SYCP2: variants seen among roughly 807,000 people sequenced by gnomAD.
SYCP2 encodes the protein synaptonemal complex protein 2, also known as synaptonemal complex lateral element protein.
Under a neutral mutation model 211.3 loss-of-function variants are expected in SYCP2, and 55 were observed. The ratio of observed to expected loss-of-function variants is 0.26; its 90% CI spans 0.21 to 0.33. The LOEUF is 0.33. SYCP2 is among the 10% of genes least tolerant of loss of function. The pLI is 1.00. For synonymous variants in SYCP2, 570 were observed against 555.2 expected, an observed-to-expected ratio of 1.03 and a Z score of -0.37; for missense variants, 1,731 against 1,752.0, an observed-to-expected ratio of 0.99 and a Z score of 0.21.
chr20:59,891,513 C>T (rs1399383820), intron 24 of SYCP2, among the ~76,000 whole-genome samples: 1 of 151,764 alleles, frequency 6.6e-6, no homozygotes, highest in Non-Finnish European at 1.5e-5. Context: ...TACTTTCTTG[C>T]AAAACCTTGT....
At chr20:59,929,996 G>A (rs1308204489) in intron 2 of SYCP2, among the ~76,000 whole-genome samples, 1 of 152,108 alleles carries the variant, frequency 6.6e-6, no homozygotes, top group Non-Finnish European at 1.5e-5. Flanking sequence ...CATTAGGACA[G>A]AGCAAAAGGG....
At chr20:59,885,360 C>A (rs1411885147) in intron 26 of SYCP2, among the ~76,000 whole-genome samples, 1 of 152,010 alleles carries the variant, frequency 6.6e-6, no homozygotes, top group Non-Finnish European at 1.5e-5. Context: ...ATTGTTAACA[C>A]ATAAAACCTA....
intron 2 of SYCP2, among the ~76,000 whole-genome samples, chr20:59,930,851 T>C (rs1351753010): frequency 2.0e-5 from 3 of 151,874 alleles, no homozygotes; most frequent in Non-Finnish European, 2.9e-5. Flanking sequence ...TTTACACCTA[T>C]TTTATGTTTG....
At chr20:59,877,577 A>G (rs1465354355) in intron 32 of SYCP2, 22 bp from the exon 33 acceptor site, 1 of 1,563,878 alleles carries the variant, frequency 6.4e-7, no homozygotes, top group African/African-American at 1.4e-5. Context: ...AAATTCCTGA[A>G]TATTAGATCA....
chr20:59,915,586 A>T (rs2060423904), intron 8 of SYCP2, 36 bp from the exon 9 acceptor site: 8 of 1,244,574 alleles, frequency 6.4e-6, no homozygotes, highest in Middle Eastern at 3.9e-4. Context: ...TTAACTTTAC[A>T]TTCAGTGAAA....
intron 24 of SYCP2, among the ~76,000 whole-genome samples, chr20:59,890,789 T>G (rs148223390): frequency 5.4e-4 from 82 of 152,022 alleles, no homozygotes; most frequent in African/African-American, 1.9e-3. Flanking sequence ...TCAGGGAAAT[T>G]ATGTGAAATT....
chr20:59,867,529 A>G (rs2059374765), intron 39 of SYCP2, among the ~76,000 whole-genome samples, 182 bp downstream of exon 39: 1 of 151,846 alleles, frequency 6.6e-6, no homozygotes, highest in South Asian at 2.1e-4. Flanking sequence ...AGAAAAAAGT[A>G]GTAGCAAAAG....
chr20:59,885,954 T>C lies in SYCP2; in HGVS notation c.2503A>G (p.Asn835Asp). ...TTACTGAGTTGTACAACAGGTTTGT[T>C]TGAAAAACCACTGTAAAAAAAGATT... is the stretch of plus-strand genomic sequence containing the variant. ...KESLINSGFSNKPVVQLSKEK... is the reference protein window; with the variant it reads ...KESLINSGFSDKPVVQLSKEK... Residue 835 changes from asparagine to aspartate, a missense_variant, in exon 26 of 45, where the codon AAC becomes GAC. By Grantham distance (23) the Asn-to-Asp change is conservative. Transcript: ENST00000357552. 2 of 1,600,674 alleles carry C rather than the reference T, an allele frequency of 1.2e-6. No individual in the cohort carries two copies. The highest frequency in any genetic ancestry group is 2.3e-5 in the South Asian group (2 of 88,466).
chr20:59,912,922 C>CG (rs1415251710), intron 12 of SYCP2, among the ~76,000 whole-genome samples: 1 of 152,184 alleles, frequency 6.6e-6, no homozygotes, highest in African/African-American at 2.4e-5. Context: ...CTTGCTCCTC[C>CG]TTGCCTTCTG....
At chr20:59,880,909 A>T (rs2059665300) in intron 30 of SYCP2, 57 bp downstream of exon 30, 7 of 816,474 alleles carry the variant, frequency 8.6e-6, no homozygotes, top group Non-Finnish European at 1.3e-5. Flanking sequence ...AATCTTTAAC[A>T]TTAAAAATTA....
At chr20:59,881,795 G>A (rs554054674) in intron 28 of SYCP2, 150 bp downstream of exon 28, 83 of 525,632 alleles carry the variant, frequency 1.6e-4, no homozygotes, top group East Asian at 1.5e-3. Flanking sequence ...CTAAATATAC[G>A]TAGGCTGGTT....
rs762171589 is a variant in SYCP2 at position 59,865,830 on chromosome 20, T to G, written c.4356A>C (p.Ala1452=). The G allele has an allele frequency of 6.9e-7, 1 of 1,439,348 alleles. No homozygotes were observed. The highest frequency in any genetic ancestry group is 9.3e-7 in the Non-Finnish European group (1 of 1,075,316). 89.2% of individuals were successfully genotyped at this position (1,439,348 alleles called of 1,614,324 possible). ...FWEKIFQKFS[A]YQKSEQQRLH... ...ACCTCTGTTGTTCGCTTTTTTGATA[T>G]GCACTGAACTTCTGAAATATCTTTT... The change falls in exon 42 of 45, where the codon GCA becomes GCC. Residue 1452 remains alanine, a synonymous_variant. Coordinates refer to ENST00000357552, the MANE Select transcript of SYCP2 (RefSeq NM_014258.4).
chr20:59,922,155 T>G (rs745494072), intron 3 of SYCP2, among the ~76,000 whole-genome samples: 3 of 151,622 alleles, frequency 2.0e-5, no homozygotes, highest in Non-Finnish European at 4.4e-5. Flanking sequence ...TTCTTTTCAA[T>G]GTAAAAGGTA....
chr20:59,874,048 T>G lies in SYCP2; in HGVS notation c.3363A>C (p.Ile1121=), dbSNP rs1442350119. The G allele has an allele frequency of 6.3e-7, 1 of 1,589,058 alleles. No homozygotes were observed. The highest frequency in any genetic ancestry group is 8.6e-7 in the Non-Finnish European group (1 of 1,164,610). The change falls in exon 35 of 45, where the codon ATA becomes ATC. Residue 1121 remains isoleucine (I), a synonymous_variant. Transcript: ENST00000357552. ...SIEVTRCIEK[I]TEKDFTQDYD... ...AATCCTGAGTAAAATCCTTTTCTGT[T>G]ATTTTCTCTATACCTATATTGCATC... is the stretch of plus-strand genomic sequence containing the variant.
chr20:59,900,130 A>T lies in SYCP2; in HGVS notation c.1404+8T>A, dbSNP rs1450205515. ...TTTTATAAGCCAGTATTTTGACACC[A>T]TCTTTACCTCAAGCTGACTATTATT... On this transcript the variant is annotated splice_region_variant and intron_variant, in intron 18 of 44. Transcript: ENST00000357552. The T allele has an allele frequency of 1.2e-6, 2 of 1,612,682 alleles. No individual in the cohort carries two copies. The highest frequency in any genetic ancestry group is 1.7e-6 in the Non-Finnish European group (2 of 1,179,200).
At position 59,865,590 on chromosome 20, in the gene SYCP2, T is replaced by C. The variant is rs374889210; in HGVS notation, c.4441A>G (p.Thr1481Ala). 2.7e-5 allele frequency: 44 copies of C among 1,603,630 alleles called. No individual in the cohort carries two copies. The African/African-American group carries it at 3.5e-4, about 13-fold the overall frequency. The change falls in exon 43 of 45, where the codon ACT becomes GCT. Residue 1481 changes from threonine (T) to alanine (A), a missense_variant. By Grantham distance (58) the Thr-to-Ala change is moderately conservative (BLOSUM62 0). Coordinates refer to ENST00000357552, the MANE Select transcript of SYCP2 (RefSeq NM_014258.4). The part of the protein sequence containing the change: ...SVFCNTDSEE[T>A]VFTSEMCLMK... Reference sequence around the variant, plus strand: ...ATTTATACCTCGGATGTAAAAACAGTTTCTTCACTATCAGTATTACAGAAG... The same window carrying C: ...ATTTATACCTCGGATGTAAAAACAGCTTCTTCACTATCAGTATTACAGAAG...
chr20:59,931,494 T>C (rs200165805), intron 2 of SYCP2, among the ~76,000 whole-genome samples: 3 of 120,328 alleles, frequency 2.5e-5, no homozygotes, highest in Non-Finnish European at 6.0e-5. Flanking sequence ...TGTGAAAACT[T>C]GATTTAAAAC....
intron 15 of SYCP2, among the ~76,000 whole-genome samples, chr20:59,905,407 A>G (rs1436256569): frequency 6.6e-6 from 1 of 152,238 alleles, no homozygotes; most frequent in East Asian, 1.9e-4. Flanking sequence ...GTATATCTAT[A>G]CAATGGACTA....
chr20:59,915,328 A>C, intron 9 of SYCP2, 129 bp from the exon 10 acceptor site: 1 of 969,454 alleles, frequency 1.0e-6, no homozygotes, highest in Non-Finnish European at 1.6e-6. Context: ...TGCAGAAATT[A>C]TATGCATACA....
Sources: allele counts gnomAD v4.1 joint callset (sites outside exome capture counted in the v4.1 genomes callset), GRCh38; gene constraint gnomAD v4.1.1; transcripts MANE v1.5; gene names NCBI Gene and HGNC (gene_info 2026-07-23, HGNC 2026-07-21).